The following ZNF354A variants were observed in gnomAD, a reference collection of about 807,000 sequenced individuals.
The protein encoded by ZNF354A is zinc finger protein 354A.
Under a neutral mutation model 53.3 loss-of-function variants are expected in ZNF354A, and 25 were observed. The observed-to-expected ratio is 0.47, with a 90% confidence interval of 0.34 to 0.66. The LOEUF is 0.66. Among genes scored for constraint, ZNF354A ranks in the 30% least tolerant of loss-of-function variants. The pLI is 0.01. For synonymous variants in ZNF354A, 228 were observed against 249.0 expected (o/e 0.92, Z 0.79); for missense variants, 586 against 716.8 (o/e 0.82, Z 2.08).
intron 1 of ZNF354A, among the ~76,000 whole-genome samples, chr5:178,730,227 G>A (rs113316118): frequency 2.0e-5 from 3 of 152,226 alleles, no homozygotes; most frequent in Non-Finnish European, 2.9e-5. Context: ...GCCGTCCTGG[G>A]GACGGACTCG....
At chr5:178,728,635 C>CAA (rs796696992) in intron 2 of ZNF354A, among the ~76,000 whole-genome samples, 1 of 124,690 alleles carries the variant, frequency 8.0e-6, no homozygotes. Context: ...AATAAAAGCA[C>CAA]AAAAAAAAAA....
chr5:178,712,073 T>TA lies in ZNF354A; in HGVS notation c.1804_1805insT (p.Glu602ValfsTer29). The TA allele has an allele frequency of 6.3e-7, 1 of 1,593,144 alleles. No homozygotes were observed. Among genetic ancestry groups the TA allele is most frequent in the Non-Finnish European group, 8.6e-7 (1 of 1,169,436 alleles). On this transcript the variant is annotated frameshift_variant, in exon 5 of 5. Coordinates refer to ENST00000335815, the MANE Select transcript of ZNF354A (RefSeq NM_005649.3). LOFTEE classifies it high-confidence loss of function. ...CAAATCTACTTTCTAGGGGTCCTCT[T>TA]CGATATGAATTTTATAATGATTAGT... is the stretch of plus-strand genomic sequence containing the variant.
In ZNF354A at chr5:178,711,896, C is replaced by A; in HGVS notation, c.*164G>T. 4.0e-6 allele frequency: 3 copies of A among 752,714 alleles called. No individual in the cohort carries two copies. The highest frequency in any genetic ancestry group is 3.2e-5 in the South Asian group (1 of 31,600). 46.6% of individuals were successfully genotyped at this position (752,714 alleles called of 1,614,324 possible). A position where few individuals can be genotyped will look rare whatever the true frequency, so the allele number is the denominator to read the frequency against. On this transcript the variant is annotated 3_prime_UTR_variant, in exon 5 of 5. Coordinates refer to ENST00000335815, the MANE Select transcript of ZNF354A (RefSeq NM_005649.3). The stretch of plus-strand genomic sequence containing the variant: ...GTGTCTGACAGGCACAAACACTTTC[C>A]TCATATCTATTATATAGCTGAGGTT...
Position 178,711,861 on chromosome 5 carries a change from AT to A in ZNF354A, c.*198del, listed in dbSNP as rs746213393. ...AATTGTAAATTCTTCATCTCAGGTT[AT>A]TTTTTTAAGTGTCTGACAGGCACAA... On this transcript the variant is annotated 3_prime_UTR_variant, in exon 5 of 5. Transcript: ENST00000335815. The A allele has an allele frequency of 1.5e-5, 8 of 550,350 alleles. No individual in the cohort carries two copies. The highest frequency in any genetic ancestry group is 5.8e-5 in the African/African-American group (3 of 52,000). The allele number at this position is 550,350 out of a possible 1,614,324, so 34.1% of individuals were successfully genotyped here. A position where few individuals can be genotyped will look rare whatever the true frequency, so the allele number is the denominator to read the frequency against.
At chr5:178,729,881 T>TTTTTTTTTTTTTTTTG (rs1561623558) in intron 1 of ZNF354A, among the ~76,000 whole-genome samples, 1 of 147,102 alleles carries the variant, frequency 6.8e-6, no homozygotes, top group Admixed American at 6.8e-5. Flanking sequence ...TGTTTCTTTT[T>TTTTTTTTTTTTTTTTG]TGAGACGGAG....
chr5:178,713,324 G>T lies in ZNF354A; in HGVS notation c.554C>A (p.Thr185Lys). 1 of 1,614,108 alleles carries T rather than the reference G, an allele frequency of 6.2e-7. No individual in the cohort carries two copies. Among genetic ancestry groups the T allele is most frequent in the Non-Finnish European group, 8.5e-7 (1 of 1,180,000 alleles). ...TCCTTGTATTTCACATTTTGGTGGTGTTTTTTCTCTGGGAAGTATCTGTTG... is the reference window on the plus strand; with the variant it reads ...TCCTTGTATTTCACATTTTGGTGGTTTTTTTTCTCTGGGAAGTATCTGTTG... Reference protein sequence around the residue: ...IRQQILPREKTPPKCEIQGNS... With the variant: ...IRQQILPREKKPPKCEIQGNS... Residue 185 changes from threonine to lysine, a missense_variant, in exon 5 of 5, where the codon ACA (threonine) becomes AAA (lysine). Physicochemically the swap from Thr to Lys is moderately conservative, Grantham distance 78 (BLOSUM62 -1). This residue lies in a region of ZNF354A where 573 missense variants were observed against 680.1 expected (regional missense o/e 0.84). Transcript: ENST00000335815.
intron 2 of ZNF354A, among the ~76,000 whole-genome samples, chr5:178,728,159 T>C (rs952735848): frequency 7.2e-5 from 11 of 152,188 alleles, no homozygotes; most frequent in African/African-American, 2.7e-4. Flanking sequence ...ACAAATTTTG[T>C]ATCCTCTCTG....
In ZNF354A at chr5:178,713,311, A is replaced by G. The variant is rs753508587; in HGVS notation, c.567T>C (p.Cys189=). The change falls in exon 5 of 5, where the codon TGT becomes TGC. Residue 189 remains cysteine, a synonymous_variant. Transcript: ENST00000335815. Reference sequence around the variant, plus strand: ...GTTTGAGGCTGTTTCCTTGTATTTCACATTTTGGTGGTGTTTTTTCTCTGG... The same window carrying G: ...GTTTGAGGCTGTTTCCTTGTATTTCGCATTTTGGTGGTGTTTTTTCTCTGG... ...ILPREKTPPK[C]EIQGNSLKQN... is the part of the protein sequence containing the mutation. 1.2e-6 allele frequency: 2 copies of G among 1,613,938 alleles called. No homozygotes were observed. Among genetic ancestry groups the G allele is most frequent in the African/African-American group, 2.7e-5 (2 of 74,902 alleles).
At position 178,719,500 on chromosome 5, in the gene ZNF354A, A is replaced by G. The variant is rs935530534; in HGVS notation, c.256+5876T>C. ...GAATTGACATATAAGATAGGATGTG[A>G]AAGGAATCGCCATAGGCTAGATGAA... On this transcript the variant is annotated intron_variant, in intron 4 of 4. Transcript: ENST00000335815. 3.3e-5 allele frequency among the ~76,000 whole-genome samples: 5 copies of G among 152,218 alleles called. 1 individual carries two copies. The East Asian group carries it at 9.6e-4, about 29-fold the overall frequency.
At chr5:178,723,417 C>A (rs1254393248) in intron 4 of ZNF354A, among the ~76,000 whole-genome samples, 2 of 152,228 alleles carry the variant, frequency 1.3e-5, no homozygotes, top group African/African-American at 4.8e-5. Flanking sequence ...GGCTCTCAAG[C>A]ACCAACCAAA....
At position 178,712,653 on chromosome 5, in the gene ZNF354A, G is replaced by A. The variant is rs746729241; in HGVS notation, c.1225C>T (p.Pro409Ser). 6.2e-7 allele frequency: 1 copy of A among 1,613,862 alleles called. No homozygotes were observed. The highest frequency in any genetic ancestry group is 1.3e-5 in the African/African-American group (1 of 74,876). ...TTCCCACATTCATTGCATCTATAGG[G>A]CTTTTCTCCGGTGTGAATTCTTTCA... ...QHERIHTGEKPYRCNECGKGF... is the reference protein window; with the variant it reads ...QHERIHTGEKSYRCNECGKGF... Residue 409 changes from proline (P) to serine (S), a missense_variant, in exon 5 of 5, where the codon CCC becomes TCC. Around this residue, in one of 2 missense-constraint regions of ZNF354A, gnomAD observed 573 missense variants for 680.1 expected, o/e 0.84. Coordinates refer to ENST00000335815, the MANE Select transcript of ZNF354A (RefSeq NM_005649.3).
chr5:178,724,836 T>C lies in ZNF354A; in HGVS notation c.256+540A>G, dbSNP rs147197349. Among the ~76,000 whole-genome samples the C allele has an allele frequency of 6.6e-4, 100 of 152,334 alleles. 1 individual carries two copies. The highest frequency in any genetic ancestry group is 2.3e-3 in the African/African-American group (95 of 41,578). On this transcript the variant is annotated intron_variant, in intron 4 of 4. Transcript: ENST00000335815. ...GAGCTCTGTCCACGTCCCTGGACTC[T>C]TGTTTTCAGGGTGGTGATGCTCACA...
intron 3 of ZNF354A, among the ~76,000 whole-genome samples, chr5:178,726,554 C>A (rs939294267): frequency 6.6e-6 from 1 of 152,116 alleles, no homozygotes; most frequent in Non-Finnish European, 1.5e-5. Flanking sequence ...CCCGCCTTGG[C>A]CTCCCAAAGT....
Position 178,727,011 on chromosome 5 carries a change from G to A in ZNF354A, c.148C>T (p.Leu50=), listed in dbSNP as rs980706434. The A allele has an allele frequency of 6.2e-7, 1 of 1,611,816 alleles. No homozygotes were observed. Among genetic ancestry groups the A allele is most frequent in the East Asian group, 2.2e-5 (1 of 44,866 alleles). The change falls in exon 3 of 5, where the codon CTG becomes TTG. Residue 50 remains leucine, a synonymous_variant. Transcript: ENST00000335815. ...AAAATTTCCTTACCCAGTGAGACCA[G>A]GTTCCTATAGTTCTCCAGCATCACA... ...RDVMLENYRN[L]VSLGLPFTKP...
At position 178,712,218 on chromosome 5, in the gene ZNF354A, T is replaced by C; in HGVS notation, c.1660A>G (p.Thr554Ala). Reference protein sequence around the residue: ...HTGEKPFKCNTCGKTFRQSSS... With the variant: ...HTGEKPFKCNACGKTFRQSSS... ...CTTTGTCTAAAAGTTTTTCCACATG[T>C]ATTACATTTAAAGGGTTTTTCTCCT... Residue 554 changes from threonine to alanine, a missense_variant, in exon 5 of 5, where the codon ACA (threonine) becomes GCA (alanine). Around this residue, in one of 2 missense-constraint regions of ZNF354A, gnomAD observed 573 missense variants for 680.1 expected, o/e 0.84. Coordinates refer to ENST00000335815, the MANE Select transcript of ZNF354A (RefSeq NM_005649.3). The C allele has an allele frequency of 6.2e-7, 1 of 1,614,114 alleles. No homozygotes were observed. Among genetic ancestry groups the C allele is most frequent in the South Asian group, 1.1e-5 (1 of 91,080 alleles).
At chr5:178,716,018 T>C (rs1765706675) in intron 4 of ZNF354A, among the ~76,000 whole-genome samples, 1 of 151,528 alleles carries the variant, frequency 6.6e-6, no homozygotes, top group African/African-American at 2.4e-5. Flanking sequence ...TGCCTCAGCC[T>C]CCTAAGTAGC....
intron 4 of ZNF354A, among the ~76,000 whole-genome samples, chr5:178,720,261 T>A (rs929406382): frequency 2.6e-5 from 4 of 152,246 alleles, no homozygotes; most frequent in African/African-American, 7.2e-5. Flanking sequence ...AACCTTGTTA[T>A]GGGCTGAACC....
Position 178,723,761 on chromosome 5 carries a change from C to G in ZNF354A, c.256+1615G>C, listed in dbSNP as rs1446711541. Reference sequence around the variant, plus strand: ...GCCCAATGCTATACAAAGCTGTGGGCGAGGGTTCAACCTTGATCCCCCAGA... The same window carrying G: ...GCCCAATGCTATACAAAGCTGTGGGGGAGGGTTCAACCTTGATCCCCCAGA... On this transcript the variant is annotated intron_variant, in intron 4 of 4. Transcript: ENST00000335815. Among the ~76,000 whole-genome samples the G allele has an allele frequency of 2.6e-5, 4 of 152,016 alleles. No individual in the cohort carries two copies. In the East Asian group the frequency reaches 7.8e-4, roughly 30 times the overall value.
chr5:178,726,446 C>T (rs1437795050), intron 3 of ZNF354A, among the ~76,000 whole-genome samples: 2 of 151,894 alleles, frequency 1.3e-5, no homozygotes, highest in African/African-American at 2.4e-5. Flanking sequence ...TACAGGCGCC[C>T]GGCATCACAC....
Sources: allele counts gnomAD v4.1 joint callset (sites outside exome capture counted in the v4.1 genomes callset), GRCh38; gene constraint gnomAD v4.1.1; regional missense constraint gnomAD v4.1.1; transcripts MANE v1.5; gene names NCBI Gene and HGNC (gene_info 2026-07-23, HGNC 2026-07-21).